Variants in DNAJC1 observed in about 807,000 individuals in gnomAD.
DNAJC1 encodes DnaJ heat shock protein family (Hsp40) member C1, also known as dnaJ homolog subfamily C member 1.
DNAJC1 carries 58 observed loss-of-function variants against 76.6 expected under a neutral mutation model. That is an observed-to-expected ratio of 0.76 (90% CI 0.61 to 0.94). DNAJC1 has a LOEUF of 0.94. Among genes scored for constraint, DNAJC1 ranks in the 40% least tolerant of loss-of-function variants. The probability of loss-of-function intolerance (pLI) is 0.00; values close to 1 mark genes in which losing one functional copy is unlikely to be tolerated. For synonymous variants in DNAJC1, 258 were observed against 267.9 expected (o/e 0.96, Z 0.36); for missense variants, 689 against 677.3 (o/e 1.02, Z -0.19).
At position 21,757,961 on chromosome 10, in the gene DNAJC1, C is replaced by T. The variant is rs577956173; in HGVS notation, c.1597-1206G>A. ...CGTTTATAAGCCAGTGTGGACTCAT[C>T]ACACATGAAGACGTCTGCCTGTGTC... On this transcript the variant is annotated intron_variant, in intron 11 of 11. Coordinates refer to ENST00000376980, the MANE Select transcript of DNAJC1 (RefSeq NM_022365.4). Among the ~76,000 whole-genome samples the T allele has an allele frequency of 7.2e-5, 11 of 152,320 alleles. No homozygotes were observed. In the East Asian group the frequency reaches 1.7e-3, roughly 24 times the overall value.
chr10:21,865,341 A>C (rs1436808884), intron 8 of DNAJC1: 1 of 152,162 alleles, frequency 6.6e-6, no homozygotes, highest in African/African-American at 2.4e-5. Flanking sequence ...GAAATAGTGA[A>C]TGAATTAAAA....
chr10:21,845,234 T>C (rs980005630), intron 8 of DNAJC1, among the ~76,000 whole-genome samples: 5 of 152,122 alleles, frequency 3.3e-5, no homozygotes, highest in East Asian at 1.9e-4. Context: ...TCGTGTGCCA[T>C]TGCATAGATT....
intron 10 of DNAJC1, among the ~76,000 whole-genome samples, chr10:21,759,966 A>G (rs1014894423): frequency 6.6e-6 from 1 of 152,234 alleles, no homozygotes; most frequent in African/African-American, 2.4e-5. Flanking sequence ...GCTACTCAGT[A>G]TAAGAAAGGA....
rs1273151696 is a variant in DNAJC1 at position 22,003,625 on chromosome 10, G to A, written c.-191C>T. 6.8e-6 allele frequency: 4 copies of A among 585,522 alleles called. No individual in the cohort carries two copies. Among genetic ancestry groups the A allele is most frequent in the African/African-American group, 2.0e-5 (1 of 51,174 alleles). The allele number at this position is 585,522 out of a possible 1,614,324, so 36.3% of individuals were successfully genotyped here. On this transcript the variant is annotated 5_prime_UTR_variant, in exon 1 of 12. Transcript: ENST00000376980. ...GCGGGAGCCGGCTGCCGGACGGGCG[G>A]GTGGGTAGGCGGGCGGGGCCGCAGC...
intron 10 of DNAJC1, among the ~76,000 whole-genome samples, chr10:21,765,315 G>A (rs532910772): frequency 6.6e-6 from 1 of 152,142 alleles, no homozygotes; most frequent in South Asian, 2.1e-4. Flanking sequence ...TGATCCTCCC[G>A]CCTCGGCCTC....
intron 1 of DNAJC1, among the ~76,000 whole-genome samples, chr10:21,962,643 CTTT>C (rs778891938): frequency 3.2e-3 from 469 of 144,974 alleles, no homozygotes; most frequent in Non-Finnish European, 6.0e-3. Flanking sequence ...AATTTTTTTT[CTTT>C]TTCTTTTTTT....
At chr10:21,992,964 G>C (rs1838350372) in intron 1 of DNAJC1, among the ~76,000 whole-genome samples, 1 of 152,088 alleles carries the variant, frequency 6.6e-6, no homozygotes, top group Admixed American at 6.5e-5. Flanking sequence ...AAGACTTATT[G>C]ATTTCGTCTC....
intron 1 of DNAJC1, among the ~76,000 whole-genome samples, chr10:21,957,047 G>A (rs1837700017): frequency 6.6e-6 from 1 of 151,478 alleles, no homozygotes; most frequent in South Asian, 2.1e-4. Context: ...ACCCGCCACC[G>A]CACCTGACTA....
At chr10:21,947,248 A>C (rs1014789560) in intron 1 of DNAJC1, among the ~76,000 whole-genome samples, 2 of 152,220 alleles carry the variant, frequency 1.3e-5, no homozygotes, top group Non-Finnish European at 2.9e-5. Flanking sequence ...AAAAAAATCT[A>C]TATCAGAATA....
chr10:21,866,960 T>C (rs917300259), intron 8 of DNAJC1, among the ~76,000 whole-genome samples: 1 of 152,114 alleles, frequency 6.6e-6, no homozygotes, highest in African/African-American at 2.4e-5. Context: ...AGAAATATGT[T>C]TTAAGTAAAT....
intron 8 of DNAJC1, among the ~76,000 whole-genome samples, chr10:21,840,780 G>C (rs1448888473): frequency 6.6e-6 from 1 of 152,150 alleles, no homozygotes; most frequent in Non-Finnish European, 1.5e-5. Flanking sequence ...AACCAAAAAA[G>C]AGCCTGCATC....
At chr10:21,801,402 T>A (rs1444927315) in intron 9 of DNAJC1, among the ~76,000 whole-genome samples, 1 of 152,106 alleles carries the variant, frequency 6.6e-6, no homozygotes, top group African/African-American at 2.4e-5. Context: ...TCACTGATCA[T>A]TAGAGAAATG....
At chr10:21,825,932 A>G (rs1835242289) in intron 8 of DNAJC1, among the ~76,000 whole-genome samples, 1 of 152,186 alleles carries the variant, frequency 6.6e-6, no homozygotes, top group Admixed American at 6.5e-5. Flanking sequence ...CCCTTATCAG[A>G]TAGATGATAG....
intron 8 of DNAJC1, among the ~76,000 whole-genome samples, chr10:21,847,912 A>C (rs927885326): frequency 8.5e-5 from 13 of 152,140 alleles, no homozygotes; most frequent in African/African-American, 3.1e-4. Context: ...ATAGTGGTGC[A>C]ACAAAAATGG....
At chr10:21,843,247 CATTT>C (rs1835601086) in intron 8 of DNAJC1, among the ~76,000 whole-genome samples, 2 of 152,122 alleles carry the variant, frequency 1.3e-5, no homozygotes, top group South Asian at 4.1e-4. Flanking sequence ...TGATCCAAAA[CATTT>C]ATTTAGCTAA....
Position 21,886,874 on chromosome 10 carries a change from T to C in DNAJC1, c.821-4435A>G, listed in dbSNP as rs183306031. On this transcript the variant is annotated intron_variant, in intron 7 of 11. Coordinates refer to ENST00000376980, the MANE Select transcript of DNAJC1 (RefSeq NM_022365.4). ...CTCACCACTTCTATTCAACACAGTA[T>C]TGGAAGTCCTAGCTGAAGCAATTAG... Among the ~76,000 whole-genome samples the C allele has an allele frequency of 1.2e-4, 18 of 152,254 alleles. No individual in the cohort carries two copies. The East Asian group carries it at 3.1e-3, about 26-fold the overall frequency.
At chr10:21,927,186 G>A (rs1837142111) in intron 3 of DNAJC1, among the ~76,000 whole-genome samples, 1 of 152,154 alleles carries the variant, frequency 6.6e-6, no homozygotes, top group East Asian at 1.9e-4. Flanking sequence ...GTCTGCTATG[G>A]TATCTGGACC....
chr10:21,989,735 C>T (rs1456433387), intron 1 of DNAJC1, among the ~76,000 whole-genome samples: 2 of 152,166 alleles, frequency 1.3e-5, no homozygotes, highest in African/African-American at 4.8e-5. Flanking sequence ...GACCTGCAGG[C>T]TTGGTATCTG....
At chr10:21,957,537 T>C (rs1837710601) in intron 1 of DNAJC1, among the ~76,000 whole-genome samples, 2 of 152,214 alleles carry the variant, frequency 1.3e-5, no homozygotes, top group African/African-American at 4.8e-5. Context: ...TATAATCTAC[T>C]TACCCATTCA....
Sources: gnomAD v4.1 joint callset for allele counts (sites outside exome capture counted in the v4.1 genomes callset) on GRCh38, gnomAD v4.1.1 for gene constraint, MANE v1.5 for transcripts, NCBI Gene and HGNC (gene_info 2026-07-23, HGNC 2026-07-21) for gene names.